Variants in SBF2 observed in about 807,000 individuals in gnomAD.
SBF2 encodes myotubularin-related protein 13.
In SBF2, 112 loss-of-function variants were observed where a neutral mutation model predicts 225.2. The ratio of observed to expected loss-of-function variants is 0.50; its 90% CI spans 0.43 to 0.58. The LOEUF (loss-of-function observed/expected upper bound fraction) is 0.58. Among genes scored for constraint, SBF2 ranks in the 20% least tolerant of loss-of-function variants. SBF2 has a pLI of 0.00. For missense variants in SBF2, 1,996 were observed against 2,206.2 expected (o/e 0.90, Z 1.91); for synonymous variants, 763 against 773.3 (o/e 0.99, Z 0.22).
At chr11:9,921,064 C>CTTTTTTTTTT (rs34959264) in intron 16 of SBF2, among the ~76,000 whole-genome samples, 3 of 85,888 alleles carry the variant, frequency 3.5e-5, no homozygotes, top group African/African-American at 4.9e-5. Flanking sequence ...CTGAAAACTT[C>CTTTTTTTTTT]TTTTTTTTTT....
At chr11:10,238,010 T>C (rs1390877088) in intron 1 of SBF2, among the ~76,000 whole-genome samples, 1 of 152,156 alleles carries the variant, frequency 6.6e-6, no homozygotes, top group African/African-American at 2.4e-5. Context: ...CTTATATAAG[T>C]CTATGTATGG....
chr11:9,994,431 C>T (rs564083795), intron 9 of SBF2, among the ~76,000 whole-genome samples: 79 of 149,544 alleles, frequency 5.3e-4, no homozygotes, highest in African/African-American at 1.7e-3. Context: ...GCCGAGATTG[C>T]GCCACTGCAC....
intron 2 of SBF2, among the ~76,000 whole-genome samples, chr11:10,091,429 T>C (rs1951779287): frequency 6.6e-6 from 1 of 152,190 alleles, no homozygotes; most frequent in Non-Finnish European, 1.5e-5. Context: ...TATATTCAAT[T>C]TTCTTATACA....
intron 2 of SBF2, among the ~76,000 whole-genome samples, chr11:10,053,159 T>C (rs1950122234): frequency 6.6e-6 from 1 of 152,142 alleles, no homozygotes; most frequent in Non-Finnish European, 1.5e-5. Flanking sequence ...CTGAATATTA[T>C]ACCATCATGT....
chr11:10,294,285 A>C, upstream of SBF2: 1 of 364,628 alleles, frequency 2.7e-6, no homozygotes, highest in Non-Finnish European at 4.8e-6. Context: ...GGCTGCCCCA[A>C]GCCCGGGCGG....
chr11:10,022,905 T>A (rs1243386059), intron 6 of SBF2, among the ~76,000 whole-genome samples: 2 of 152,126 alleles, frequency 1.3e-5, no homozygotes, highest in Non-Finnish European at 2.9e-5. Flanking sequence ...ATTTTCTACA[T>A]TTTCTGTGAT....
intron 6 of SBF2, among the ~76,000 whole-genome samples, chr11:10,024,665 A>C (rs1336441203): frequency 6.6e-6 from 1 of 152,058 alleles, no homozygotes; most frequent in African/African-American, 2.4e-5. Context: ...CAGCTTCCTC[A>C]ACAGCCAGAA....
At chr11:10,111,738 G>A (rs1242425889) in intron 2 of SBF2, among the ~76,000 whole-genome samples, 4 of 152,152 alleles carry the variant, frequency 2.6e-5, no homozygotes, top group African/African-American at 4.8e-5. Flanking sequence ...TTAGCTGGGC[G>A]CGGTGGCGCA....
chr11:9,951,301 T>C (rs929825706), intron 16 of SBF2, among the ~76,000 whole-genome samples: 16 of 152,146 alleles, frequency 1.1e-4, no homozygotes, highest in Admixed American at 2.0e-4. Flanking sequence ...GGATTTTAAA[T>C]TGTGAAGTGA....
intron 3 of SBF2, 145 bp from the exon 4 acceptor site, chr11:10,031,315 A>C (rs1949248279): frequency 1.3e-6 from 1 of 786,314 alleles, no homozygotes; most frequent in Non-Finnish European, 1.9e-6. Context: ...ACAAATAAAG[A>C]ATAGACTTTA....
chr11:9,961,839 C>T (rs760921424), intron 16 of SBF2, 118 bp downstream of exon 16: 3 of 824,242 alleles, frequency 3.6e-6, no homozygotes, highest in Non-Finnish European at 5.8e-6. Context: ...GATACTGACG[C>T]TTCATCCTAT....
chr11:10,015,451 C>G (rs762382031), intron 6 of SBF2, among the ~76,000 whole-genome samples: 3 of 152,174 alleles, frequency 2.0e-5, no homozygotes, highest in Non-Finnish European at 4.4e-5. Context: ...CTGGTGACTT[C>G]TCACGTTCCT....
intron 4 of SBF2, 116 bp downstream of exon 4, chr11:10,030,932 A>G: frequency 1.1e-6 from 1 of 889,034 alleles, no homozygotes; most frequent in Non-Finnish European, 1.8e-6. Context: ...TGTATTTCAT[A>G]GATGAATTCC....
chr11:10,170,203 C>A (rs1187731417), intron 2 of SBF2, among the ~76,000 whole-genome samples: 2 of 152,052 alleles, frequency 1.3e-5, no homozygotes, highest in Admixed American at 1.3e-4. Context: ...GAAGTCTTTG[C>A]CCAGTTCAGT....
In SBF2 at chr11:9,993,972, T is replaced by G. The variant is rs1947552083; in HGVS notation, c.1002A>C (p.Ala334=). The G allele has an allele frequency of 9.1e-6, 11 of 1,206,488 alleles. No homozygotes were observed. Among genetic ancestry groups the G allele is most frequent in the Non-Finnish European group, 1.2e-5 (10 of 807,876 alleles). The allele number at this position is 1,206,488 out of a possible 1,614,324, so 74.7% of individuals were successfully genotyped here. ...TTCGTGGAGGAGGAAAAGCATGATC[T>G]GCTACTTCCAAATCTGGGTGTAAAA... ...SLILHPDLEV[A]DHAFPPPRTA... is the part of the protein sequence containing the mutation. The change falls in exon 10 of 40, where the codon GCA becomes GCC. Residue 334 remains alanine, a synonymous_variant. Transcript: ENST00000256190.
intron 16 of SBF2, among the ~76,000 whole-genome samples, chr11:9,899,328 T>C (rs886680060): frequency 1.8e-5 from 2 of 112,804 alleles, no homozygotes; most frequent in African/African-American, 7.6e-5. Flanking sequence ...ACTCTGCTTC[T>C]ACAAAAAATT....
At chr11:10,175,552 C>G (rs896145111) in intron 2 of SBF2, among the ~76,000 whole-genome samples, 3 of 151,458 alleles carry the variant, frequency 2.0e-5, no homozygotes, top group Non-Finnish European at 2.9e-5. Flanking sequence ...GACTCCCACA[C>G]AATAATAATG....
At chr11:10,093,110 G>T (rs1354968726) in intron 2 of SBF2, among the ~76,000 whole-genome samples, 1 of 151,338 alleles carries the variant, frequency 6.6e-6, no homozygotes, top group African/African-American at 2.4e-5. Flanking sequence ...TCTTCCTCCT[G>T]GGTTCAAGCG....
At position 9,789,283 on chromosome 11, in the gene SBF2, C is replaced by T. The variant is rs770533275; in HGVS notation, c.4758G>A (p.Glu1586=). Residue 1586 remains glutamate, a synonymous_variant, in exon 35 of 40, where the codon GAG becomes GAA. Coordinates refer to ENST00000256190, the MANE Select transcript of SBF2 (RefSeq NM_030962.4). ...CATAGGAAGGGCCTGTGGACAGGGT[C>T]TCTTCTATGTAGTAATCCCACTTCT... The part of the protein sequence containing the change: ...SLKKWDYYIE[E]TLSTGPSYDW... 3 of 1,614,148 alleles carry T rather than the reference C, an allele frequency of 1.9e-6. No homozygotes were observed. The highest frequency in any genetic ancestry group is 1.7e-6 in the Non-Finnish European group (2 of 1,180,034).
Sources: allele counts gnomAD v4.1 joint callset (sites outside exome capture counted in the v4.1 genomes callset), GRCh38; gene constraint gnomAD v4.1.1; transcripts MANE v1.5; gene names NCBI Gene and HGNC (gene_info 2026-07-23, HGNC 2026-07-21).